Variants in CTNND2 observed in about 807,000 individuals in gnomAD.
CTNND2 encodes catenin delta-2.
CTNND2 carries 22 observed loss-of-function variants against 144.4 expected under a neutral mutation model. That is an observed-to-expected ratio of 0.15 (90% CI 0.11 to 0.22). The LOEUF is 0.22. Ranked by LOEUF, CTNND2 falls within the 10% of genes least tolerant of loss-of-function variation. The pLI, the probability that CTNND2 is intolerant of heterozygous loss-of-function variation, is 1.00. For synonymous variants in CTNND2, 751 were observed against 695.6 expected (o/e 1.08, Z -1.25); for missense variants, 1,353 against 1,618.8 (o/e 0.84, Z 2.82).
At chr5:11,116,008 A>C (rs1753506841) in intron 13 of CTNND2, among the ~76,000 whole-genome samples, 1 of 152,250 alleles carries the variant, frequency 6.6e-6, no homozygotes, top group Non-Finnish European at 1.5e-5. Context: ...TCCCAATTAG[A>C]GAGTCATATT....
At chr5:11,399,815 A>G (rs972349555) in intron 5 of CTNND2, among the ~76,000 whole-genome samples, 2 of 152,236 alleles carry the variant, frequency 1.3e-5, no homozygotes, top group Admixed American at 1.3e-4. Context: ...CAACACTGAC[A>G]TATCACCTGG....
intron 12 of CTNND2, among the ~76,000 whole-genome samples, chr5:11,135,051 C>T (rs773161207): frequency 1.3e-5 from 2 of 152,098 alleles, no homozygotes; most frequent in African/African-American, 4.8e-5. Flanking sequence ...TTTTACAGTA[C>T]ATGTGTCAGT....
intron 3 of CTNND2, among the ~76,000 whole-genome samples, chr5:11,464,718 G>A (rs1446391177): frequency 6.6e-6 from 1 of 152,200 alleles, no homozygotes; most frequent in Non-Finnish European, 1.5e-5. Flanking sequence ...AGGAGAGAAG[G>A]TGGTGAGAAG....
intron 1 of CTNND2, among the ~76,000 whole-genome samples, chr5:11,764,436 C>T (rs1329992560): frequency 6.6e-6 from 1 of 152,190 alleles, no homozygotes; most frequent in South Asian, 2.1e-4. Context: ...GTGGGCTCCT[C>T]TTGGGATCAA....
rs1221996614 is a variant in CTNND2 at position 11,022,788 on chromosome 5, A to C, written c.2980T>G (p.Ser994Ala). 1 of 1,614,042 alleles carries C rather than the reference A, an allele frequency of 6.2e-7. No individual in the cohort carries two copies. ...ACTTACTTATCTCCTTTGCTTTTGG[A>C]GATGCCGACCAACTTCTCGATGCCA... ...AGGIEKLVGISKSKGDKHSPK... is the reference protein window; with the variant it reads ...AGGIEKLVGIAKSKGDKHSPK... Residue 994 changes from serine (S) to alanine (A), a missense_variant, in exon 17 of 22, where the codon TCC becomes GCC. By Grantham distance (99) the Ser-to-Ala change is moderately conservative (BLOSUM62 1). This residue lies in a region of CTNND2 where 459 missense variants were observed against 674.3 expected (regional missense o/e 0.68). Transcript: ENST00000304623.
intron 3 of CTNND2, among the ~76,000 whole-genome samples, chr5:11,543,339 G>A (rs956880051): frequency 6.6e-6 from 1 of 152,170 alleles, no homozygotes; most frequent in Non-Finnish European, 1.5e-5. Context: ...TCATGTAAGG[G>A]AGACCCTGCA....
intron 3 of CTNND2, among the ~76,000 whole-genome samples, chr5:11,547,301 A>AAATG (rs1775331768): frequency 6.8e-6 from 1 of 147,486 alleles, no homozygotes; most frequent in East Asian, 2.2e-4. Context: ...ATAAATAAAT[A>AAATG]AATAAATAAA....
At chr5:11,778,870 T>C (rs1408860167) in intron 1 of CTNND2, among the ~76,000 whole-genome samples, 3 of 152,248 alleles carry the variant, frequency 2.0e-5, no homozygotes, top group Non-Finnish European at 2.9e-5. Context: ...GTGAGTCATA[T>C]GGGAATTCTC....
At chr5:11,525,902 GTTTT>G (rs551324719) in intron 3 of CTNND2, among the ~76,000 whole-genome samples, 252 of 152,204 alleles carry the variant, frequency 1.7e-3, no homozygotes, top group African/African-American at 5.9e-3. Flanking sequence ...TATCTTACTT[GTTTT>G]TTTGTTTGTT....
chr5:10,999,012 G>C (rs1212473954), intron 18 of CTNND2, among the ~76,000 whole-genome samples: 1 of 152,130 alleles, frequency 6.6e-6, no homozygotes, highest in Non-Finnish European at 1.5e-5. Flanking sequence ...AGAGGCTAGG[G>C]TGCAGCTGGC....
chr5:11,265,302 C>T (rs1745323887), intron 9 of CTNND2, among the ~76,000 whole-genome samples: 1 of 152,148 alleles, frequency 6.6e-6, no homozygotes, highest in African/African-American at 2.4e-5. Context: ...AAACAAAAAT[C>T]TTAGGGAATC....
chr5:11,011,762 C>T (rs1741112632), intron 18 of CTNND2, among the ~76,000 whole-genome samples: 1 of 152,164 alleles, frequency 6.6e-6, no homozygotes, highest in Admixed American at 6.5e-5. Context: ...CGGAAGCATG[C>T]AGGTAGCATC....
At chr5:11,122,017 C>A (rs529922694) in intron 12 of CTNND2, among the ~76,000 whole-genome samples, 1 of 152,270 alleles carries the variant, frequency 6.6e-6, no homozygotes, top group South Asian at 2.1e-4. Context: ...CATGTTTATA[C>A]CTAGCATTCA....
intron 1 of CTNND2, among the ~76,000 whole-genome samples, chr5:11,734,607 G>C (rs1307218386): frequency 6.6e-6 from 1 of 150,424 alleles, no homozygotes; most frequent in Non-Finnish European, 1.5e-5. Context: ...TTATTTTCTT[G>C]CCTAAAGCTA....
chr5:11,297,431 C>G (rs1223137200), intron 9 of CTNND2, among the ~76,000 whole-genome samples: 2 of 152,166 alleles, frequency 1.3e-5, no homozygotes, highest in Non-Finnish European at 2.9e-5. Flanking sequence ...GAGAATGCAG[C>G]TGTCTTCCAC....
chr5:11,171,296 A>G (rs1759879226), intron 11 of CTNND2, among the ~76,000 whole-genome samples: 1 of 152,228 alleles, frequency 6.6e-6, no homozygotes, highest in Admixed American at 6.5e-5. Flanking sequence ...AATGAATGAG[A>G]GAGAGAGCTG....
chr5:11,873,873 G>A (rs28758676), intron 1 of CTNND2, among the ~76,000 whole-genome samples: 2,408 of 152,248 alleles, frequency 0.016, 65 homozygotes, highest in African/African-American at 0.054. Flanking sequence ...CCCAAAGCGG[G>A]ACCAGCTGGT....
intron 1 of CTNND2, among the ~76,000 whole-genome samples, chr5:11,860,421 T>C (rs1229711736): frequency 6.6e-6 from 1 of 152,242 alleles, no homozygotes; most frequent in Non-Finnish European, 1.5e-5. Context: ...CAGAGGTTTA[T>C]AACCAATTCT....
intron 16 of CTNND2, among the ~76,000 whole-genome samples, chr5:11,076,268 A>G (rs888710753): frequency 2.6e-5 from 4 of 152,202 alleles, no homozygotes; most frequent in African/African-American, 9.7e-5. Flanking sequence ...TGGGCTTTGA[A>G]TGGTGGTGGC....
Sources: allele counts gnomAD v4.1 joint callset (sites outside exome capture counted in the v4.1 genomes callset), GRCh38; gene constraint gnomAD v4.1.1; regional missense constraint gnomAD v4.1.1; transcripts MANE v1.5; gene names NCBI Gene and HGNC (gene_info 2026-07-23, HGNC 2026-07-21).